Variants in EYA4 observed in about 807,000 individuals in gnomAD.
EYA4 encodes EYA transcriptional coactivator and phosphatase 4.
A neutral mutation model predicts 87.9 loss-of-function variants in EYA4; 31 were observed. That is an observed-to-expected ratio of 0.35 (90% CI 0.27 to 0.48). EYA4 has a LOEUF of 0.48. EYA4 is among the 20% of genes least tolerant of loss of function. The pLI, the probability that EYA4 is intolerant of heterozygous loss-of-function variation, is 0.99. For synonymous variants in EYA4, 263 were observed against 270.6 expected, an observed-to-expected ratio of 0.97 and a Z score of 0.28; for missense variants, 678 against 761.4, an observed-to-expected ratio of 0.89 and a Z score of 1.29.
Position 133,530,963 on chromosome 6 carries a change from A to G in EYA4, c.*2158A>G, listed in dbSNP as rs970221281. 3 of 1,243,338 alleles carry G rather than the reference A, an allele frequency of 2.4e-6. No homozygotes were observed. Among genetic ancestry groups the G allele is most frequent in the Non-Finnish European group, 3.0e-6 (3 of 990,922 alleles). 77.0% of individuals were successfully genotyped at this position (1,243,338 alleles called of 1,614,324 possible). A position where few individuals can be genotyped will look rare whatever the true frequency, so the allele number is the denominator to read the frequency against. On this transcript the variant is annotated 3_prime_UTR_variant, in exon 20 of 20. Coordinates refer to ENST00000355286, the MANE Select transcript of EYA4 (RefSeq NM_004100.5). ...ATTATGTTGTGCACTAAAACCTTAA[A>G]TATTTATTACTGTGAATAAAAACAA... is the stretch of plus-strand genomic sequence containing the variant.
At chr6:133,467,338 C>T (rs1005967851) in intron 10 of EYA4, among the ~76,000 whole-genome samples, 1 of 151,912 alleles carries the variant, frequency 6.6e-6, no homozygotes, top group African/African-American at 2.4e-5. Context: ...GCCTTAGTCC[C>T]CTTCAAAGTA....
intron 2 of EYA4, among the ~76,000 whole-genome samples, chr6:133,327,696 G>C (rs1437695458): frequency 6.6e-6 from 1 of 152,158 alleles, no homozygotes; most frequent in Non-Finnish European, 1.5e-5. Flanking sequence ...AATTGTACAA[G>C]GGATTAGTGA....
At chr6:133,456,483 C>G (rs1793912775) in intron 5 of EYA4, 73 bp from the exon 6 acceptor site, 8 of 1,023,070 alleles carry the variant, frequency 7.8e-6, no homozygotes, top group Non-Finnish European at 1.2e-5. Context: ...CTAGAAATAT[C>G]ACTAGTAGAA....
intron 1 of EYA4, chr6:133,245,211 A>G (rs1774307306): frequency 6.6e-6 from 1 of 152,184 alleles, no homozygotes; most frequent in East Asian, 1.9e-4. Context: ...CTGTTAAAGC[A>G]CTTAAAACCT....
intron 2 of EYA4, among the ~76,000 whole-genome samples, chr6:133,314,205 A>T (rs1227716548): frequency 6.6e-6 from 1 of 152,184 alleles, no homozygotes; most frequent in Non-Finnish European, 1.5e-5. Context: ...CTAGGAAAAA[A>T]ATATAGATGA....
chr6:133,241,024 C>G (rs1294658464), upstream of EYA4, among the ~76,000 whole-genome samples: 9 of 141,358 alleles, frequency 6.4e-5, no homozygotes, highest in African/African-American at 1.5e-4. Context: ...TGCAGCCGCT[C>G]GAGTCGGCCC....
intron 8 of EYA4, 34 bp from the exon 9 acceptor site, chr6:133,462,587 A>C: frequency 6.2e-7 from 1 of 1,613,746 alleles, no homozygotes; most frequent in Non-Finnish European, 8.5e-7. Context: ...CATCTTACTA[A>C]TTAAATGGTT....
intron 2 of EYA4, among the ~76,000 whole-genome samples, chr6:133,298,576 C>T (rs371660897): frequency 3.9e-5 from 6 of 152,254 alleles, no homozygotes; most frequent in South Asian, 4.1e-4. Context: ...CCCAGTTTTT[C>T]GATGTACTTT....
At chr6:133,521,077 C>G (rs975132315) in intron 17 of EYA4, among the ~76,000 whole-genome samples, 1 of 151,102 alleles carries the variant, frequency 6.6e-6, no homozygotes, top group African/African-American at 2.4e-5. Flanking sequence ...GTCTAAAACA[C>G]CAAAAGCAAT....
intron 3 of EYA4, among the ~76,000 whole-genome samples, chr6:133,385,391 CTGTGTGTGTGTGTGTGTGTG>C (rs66881281): frequency 3.5e-5 from 4 of 115,336 alleles, no homozygotes; most frequent in South Asian, 2.7e-4. Flanking sequence ...TATGCTCTCT[CTGTGTGTGTGTGTGTGTGTG>C]TGTGTGTGTG....
intron 13 of EYA4, among the ~76,000 whole-genome samples, chr6:133,500,379 A>G (rs369651110): frequency 2.3e-4 from 35 of 152,054 alleles, no homozygotes; most frequent in African/African-American, 8.0e-4. Flanking sequence ...CTACTTTTCC[A>G]TAACGCCTCT....
At chr6:133,512,631 A>C in intron 14 of EYA4, 90 bp from the exon 15 acceptor site, 7 of 934,758 alleles carry the variant, frequency 7.5e-6, no homozygotes, top group Non-Finnish European at 1.1e-5. Context: ...TTCTGGTGGT[A>C]GTCTGATCAG....
At chr6:133,378,629 A>T (rs1299854613) in intron 2 of EYA4, among the ~76,000 whole-genome samples, 2 of 152,004 alleles carry the variant, frequency 1.3e-5, no homozygotes, top group Admixed American at 1.3e-4. Context: ...ACTATATGGG[A>T]ACTGGGAAGA....
chr6:133,445,939 A>G (rs1362199189), intron 3 of EYA4, among the ~76,000 whole-genome samples: 1 of 152,172 alleles, frequency 6.6e-6, no homozygotes, highest in Non-Finnish European at 1.5e-5. Flanking sequence ...ATTTTATCCC[A>G]GTTGTAGCAC....
At chr6:133,277,002 A>C (rs916457598) in intron 2 of EYA4, among the ~76,000 whole-genome samples, 33 of 152,154 alleles carry the variant, frequency 2.2e-4, no homozygotes, top group Admixed American at 1.3e-4. Flanking sequence ...TTTGTGGAGT[A>C]TATTAATGTC....
chr6:133,295,710 A>C (rs1222656505), intron 2 of EYA4, among the ~76,000 whole-genome samples: 2 of 152,188 alleles, frequency 1.3e-5, no homozygotes, highest in Non-Finnish European at 2.9e-5. Context: ...AGAAATTAGC[A>C]AACATGAGAT....
At chr6:133,328,075 G>A (rs1185831913) in intron 2 of EYA4, among the ~76,000 whole-genome samples, 1 of 152,168 alleles carries the variant, frequency 6.6e-6, no homozygotes, top group Non-Finnish European at 1.5e-5. Context: ...GAGGCTAAGA[G>A]CAGTACCAAG....
chr6:133,257,419 A>T (rs1775424084), intron 1 of EYA4, among the ~76,000 whole-genome samples: 1 of 152,218 alleles, frequency 6.6e-6, no homozygotes, highest in Admixed American at 6.5e-5. Context: ...TTCTGTTAGA[A>T]GTAATTTTTA....
intron 2 of EYA4, among the ~76,000 whole-genome samples, chr6:133,299,413 A>G (rs1442123723): frequency 1.3e-5 from 2 of 151,980 alleles, no homozygotes; most frequent in South Asian, 2.1e-4. Flanking sequence ...TATTTTCACC[A>G]TTGAGATGGT....
Sources: gnomAD v4.1 joint callset for allele counts (sites outside exome capture counted in the v4.1 genomes callset) on GRCh38, gnomAD v4.1.1 for gene constraint, MANE v1.5 for transcripts, NCBI Gene and HGNC (gene_info 2026-07-23, HGNC 2026-07-21) for gene names.